The following KCTD16 variants were observed in gnomAD, a reference collection of about 807,000 sequenced individuals.
KCTD16 encodes BTB/POZ domain-containing protein KCTD16.
In KCTD16, 13 loss-of-function variants were observed where a neutral mutation model predicts 33.2. The ratio of observed to expected loss-of-function variants is 0.39; its 90% CI spans 0.25 to 0.62. The LOEUF is 0.62. KCTD16 is among the 20% of genes least tolerant of loss of function. The pLI is 0.50. For missense variants in KCTD16, 441 were observed against 525.1 expected (o/e 0.84, Z 1.57); for synonymous variants, 197 against 195.3 (o/e 1.01, Z -0.07).
At chr5:144,287,061 G>T (rs976014165) in intron 3 of KCTD16, among the ~76,000 whole-genome samples, 1 of 152,210 alleles carries the variant, frequency 6.6e-6, no homozygotes, top group African/African-American at 2.4e-5. Flanking sequence ...GCCTGTGAGA[G>T]AAAATGGGGA....
At chr5:144,273,939 T>C (rs1052806521) in intron 3 of KCTD16, among the ~76,000 whole-genome samples, 3 of 151,420 alleles carry the variant, frequency 2.0e-5, no homozygotes, top group Non-Finnish European at 4.4e-5. Context: ...GTAAACTTTA[T>C]GTTATGTGTA....
intron 3 of KCTD16, among the ~76,000 whole-genome samples, chr5:144,381,902 T>C (rs1019760224): frequency 6.6e-6 from 1 of 152,146 alleles, no homozygotes; most frequent in African/African-American, 2.4e-5. Flanking sequence ...TATAAATAAT[T>C]CTTCTAAGAA....
chr5:144,398,957 C>T (rs1752640870), intron 3 of KCTD16, among the ~76,000 whole-genome samples: 1 of 152,134 alleles, frequency 6.6e-6, no homozygotes, highest in Non-Finnish European at 1.5e-5. Flanking sequence ...ATGGGATTCT[C>T]AGTTGGTTCC....
intron 3 of KCTD16, among the ~76,000 whole-genome samples, chr5:144,405,865 T>C (rs910028904): frequency 3.3e-5 from 5 of 152,218 alleles, no homozygotes; most frequent in African/African-American, 1.2e-4. Flanking sequence ...GTGAGTTTTA[T>C]CTTTCCCAAG....
chr5:144,300,611 A>G (rs1751406100), intron 3 of KCTD16, among the ~76,000 whole-genome samples: 1 of 152,194 alleles, frequency 6.6e-6, no homozygotes, highest in African/African-American at 2.4e-5. Flanking sequence ...CTCATCACAG[A>G]GATCATGGTA....
chr5:144,417,288 TA>T (rs897741253), intron 3 of KCTD16, among the ~76,000 whole-genome samples: 1 of 152,108 alleles, frequency 6.6e-6, no homozygotes, highest in Non-Finnish European at 1.5e-5. Context: ...ATTTTTATTT[TA>T]AAAATATATT....
Position 144,481,729 on chromosome 5 carries a change from G to A in KCTD16, c.*7615G>A, listed in dbSNP as rs986211537. On this transcript the variant is annotated 3_prime_UTR_variant, in exon 4 of 4. Coordinates refer to ENST00000512467, the MANE Select transcript of KCTD16 (RefSeq NM_020768.4). ...TACATACTATATATAGGTCACTGTC[G>A]TGAGCATTATAATGTCTAAGCAATC... 2.8e-4 allele frequency: 43 copies of A among 151,956 alleles called. No individual in the cohort carries two copies. Among genetic ancestry groups the A allele is most frequent in the Admixed American group, 2.2e-3 (33 of 15,228 alleles). 9.4% of individuals were successfully genotyped at this position (151,956 alleles called of 1,614,324 possible).
chr5:144,376,966 C>T (rs117014668), intron 3 of KCTD16, among the ~76,000 whole-genome samples: 1 of 152,332 alleles, frequency 6.6e-6, no homozygotes, highest in East Asian at 1.9e-4. Context: ...AGAAGAAACC[C>T]AGCGGACTAT....
At chr5:144,205,464 C>G in intron 2 of KCTD16, 1 of 398,782 alleles carries the variant, frequency 2.5e-6, no homozygotes, top group South Asian at 1.3e-4. Context: ...GGCCCCCCGC[C>G]GGCATCTCTG....
intron 3 of KCTD16, among the ~76,000 whole-genome samples, chr5:144,393,670 T>A (rs1428321892): frequency 6.6e-6 from 1 of 152,176 alleles, no homozygotes; most frequent in African/African-American, 2.4e-5. Flanking sequence ...CTTACCATGC[T>A]ATAGGAGAGA....
At position 144,281,131 on chromosome 5, in the gene KCTD16, C is replaced by G. The variant is rs546037662; in HGVS notation, c.832+73585C>G. On this transcript the variant is annotated intron_variant, in intron 3 of 3. Coordinates refer to ENST00000512467, the MANE Select transcript of KCTD16 (RefSeq NM_020768.4). ...TGGCAGGCGGAGGTTGCAGTGAGCC[C>G]AGATCGCGCCACTGTACTCCAGCCT... Among the ~76,000 whole-genome samples, 9 of 152,312 alleles carry G rather than the reference C, an allele frequency of 5.9e-5. No homozygotes were observed. The South Asian group carries it at 1.2e-3, about 21-fold the overall frequency.
intron 3 of KCTD16, among the ~76,000 whole-genome samples, chr5:144,223,915 A>C (rs1291781270): frequency 1.3e-5 from 2 of 152,010 alleles, no homozygotes; most frequent in African/African-American, 4.8e-5. Context: ...CCTTGGGGCA[A>C]TTCCAGGAAA....
At chr5:144,204,114 AT>A (rs1753106365) in intron 2 of KCTD16, among the ~76,000 whole-genome samples, 1 of 152,204 alleles carries the variant, frequency 6.6e-6, no homozygotes, top group South Asian at 2.1e-4. Flanking sequence ...GAAAGAAAAG[AT>A]TGTTAAAGTA....
intron 3 of KCTD16, among the ~76,000 whole-genome samples, chr5:144,231,625 G>A: frequency 6.6e-6 from 1 of 152,080 alleles, no homozygotes; most frequent in Non-Finnish European, 1.5e-5. Flanking sequence ...ATGTATCAGG[G>A]GCGGGACCAG....
rs560160543 is a variant in KCTD16 at position 144,412,506 on chromosome 5, T to C, written c.833-61154T>C. ...AAGATAAGGAGTAGATTGGTGCTTA[T>C]CAGAGGCTAGGAAGGGTAAGGGGGA... On this transcript the variant is annotated intron_variant, in intron 3 of 3. Transcript: ENST00000512467. Among the ~76,000 whole-genome samples, 97 of 152,262 alleles carry C rather than the reference T, an allele frequency of 6.4e-4. 2 individuals carry two copies. The highest frequency in any genetic ancestry group is 2.3e-3 in the African/African-American group (96 of 41,550).
intron 3 of KCTD16, among the ~76,000 whole-genome samples, chr5:144,339,274 A>G (rs1752568338): frequency 6.6e-6 from 1 of 152,248 alleles, no homozygotes; most frequent in African/African-American, 2.4e-5. Flanking sequence ...ATAGCTAGAA[A>G]GTGCCGAAGC....
intron 3 of KCTD16, among the ~76,000 whole-genome samples, chr5:144,472,162 A>C (rs1321525366): frequency 6.6e-6 from 1 of 152,220 alleles, no homozygotes; most frequent in Non-Finnish European, 1.5e-5. Flanking sequence ...TCTCCTTTAA[A>C]ACTGTATAAA....
chr5:144,204,151 C>T (rs1256841798), intron 2 of KCTD16, among the ~76,000 whole-genome samples: 3 of 152,168 alleles, frequency 2.0e-5, no homozygotes, highest in Non-Finnish European at 4.4e-5. Context: ...TACTGTTGAG[C>T]GTATCTTCAA....
intron 3 of KCTD16, among the ~76,000 whole-genome samples, chr5:144,428,452 T>G (rs1753384182): frequency 6.6e-6 from 1 of 152,172 alleles, no homozygotes; most frequent in Non-Finnish European, 1.5e-5. Context: ...ATACATTTAT[T>G]AAAACACCAA....
Sources: gnomAD v4.1 joint callset for allele counts (sites outside exome capture counted in the v4.1 genomes callset) on GRCh38, gnomAD v4.1.1 for gene constraint, MANE v1.5 for transcripts, NCBI Gene and HGNC (gene_info 2026-07-23, HGNC 2026-07-21) for gene names.